Variants in CHCHD3 observed in about 807,000 individuals in gnomAD.
CHCHD3 encodes MICOS complex subunit MIC19.
CHCHD3 carries 20 observed loss-of-function variants against 38.2 expected under a neutral mutation model. The ratio of observed to expected loss-of-function variants is 0.52; its 90% CI spans 0.37 to 0.76. The LOEUF is 0.76. Ranked by LOEUF, CHCHD3 falls within the 30% of genes least tolerant of loss-of-function variation. The pLI is 0.00. For synonymous variants in CHCHD3, 82 were observed against 100.0 expected (o/e 0.82, Z 1.07); for missense variants, 245 against 279.2 (o/e 0.88, Z 0.87).
chr7:132,793,765 T>C (rs578042925), intron 7 of CHCHD3, among the ~76,000 whole-genome samples: 1 of 152,350 alleles, frequency 6.6e-6, no homozygotes, highest in South Asian at 2.1e-4. Context: ...TGGACAACAC[T>C]GCCTAATGGC....
At chr7:132,858,309 T>C (rs1307625634) in intron 5 of CHCHD3, among the ~76,000 whole-genome samples, 1 of 152,204 alleles carries the variant, frequency 6.6e-6, no homozygotes, top group East Asian at 1.9e-4. Context: ...GTGATCCACC[T>C]GCTTCAGCCT....
intron 6 of CHCHD3, among the ~76,000 whole-genome samples, chr7:132,815,273 T>C (rs186038025): frequency 2.0e-5 from 3 of 152,340 alleles, no homozygotes; most frequent in Admixed American, 2.0e-4. Context: ...GCCATCTGAC[T>C]GAAGTCTTAT....
intron 4 of CHCHD3, among the ~76,000 whole-genome samples, chr7:132,896,417 A>G (rs757791964): frequency 6.6e-6 from 1 of 152,184 alleles, no homozygotes; most frequent in Non-Finnish European, 1.5e-5. Context: ...AACAAGGCAT[A>G]TTGTGATTCC....
intron 4 of CHCHD3, among the ~76,000 whole-genome samples, chr7:132,929,834 G>C (rs1355635645): frequency 6.6e-6 from 1 of 152,130 alleles, no homozygotes; most frequent in East Asian, 1.9e-4. Flanking sequence ...TGAGAGCTGA[G>C]AGGCGTCTTT....
chr7:132,953,665 A>G (rs1184397497), intron 4 of CHCHD3, among the ~76,000 whole-genome samples: 1 of 152,212 alleles, frequency 6.6e-6, no homozygotes. Flanking sequence ...AGGAAGTGTT[A>G]GTGAGCTCCT....
At chr7:132,864,611 T>C (rs1215075277) in intron 5 of CHCHD3, among the ~76,000 whole-genome samples, 1 of 152,072 alleles carries the variant, frequency 6.6e-6, no homozygotes, top group Non-Finnish European at 1.5e-5. Context: ...AAAAGGCAAA[T>C]GAAGTATGTC....
chr7:132,990,603 T>C (rs1584626621), intron 3 of CHCHD3, among the ~76,000 whole-genome samples: 1 of 152,224 alleles, frequency 6.6e-6, no homozygotes, highest in Middle Eastern at 3.4e-3. Flanking sequence ...AGCTATGAAA[T>C]AACATGAGAA....
At chr7:132,979,773 C>G (rs1416404867) in intron 3 of CHCHD3, among the ~76,000 whole-genome samples, 1 of 152,116 alleles carries the variant, frequency 6.6e-6, no homozygotes, top group African/African-American at 2.4e-5. Context: ...GACCAGTGCC[C>G]AAAGATGAGA....
intron 4 of CHCHD3, among the ~76,000 whole-genome samples, chr7:132,902,581 C>T (rs964756083): frequency 4.6e-5 from 7 of 152,114 alleles, no homozygotes; most frequent in African/African-American, 1.7e-4. Context: ...GAAAACCAAA[C>T]ACCACATGTT....
intron 4 of CHCHD3, among the ~76,000 whole-genome samples, chr7:132,974,820 G>A (rs1224633291): frequency 6.6e-6 from 1 of 151,740 alleles, no homozygotes; most frequent in African/African-American, 2.4e-5. Context: ...GTTGCAGTGA[G>A]CTGAGATCGC....
At chr7:132,969,258 C>T (rs1388887190) in intron 4 of CHCHD3, among the ~76,000 whole-genome samples, 2 of 151,826 alleles carry the variant, frequency 1.3e-5, no homozygotes, top group African/African-American at 4.8e-5. Context: ...CCCCACAAAC[C>T]TGACACTTAA....
intron 1 of CHCHD3, among the ~76,000 whole-genome samples, chr7:133,075,507 G>C (rs1326563619): frequency 6.6e-6 from 1 of 152,114 alleles, no homozygotes; most frequent in Non-Finnish European, 1.5e-5. Context: ...GTTTTGTTGT[G>C]TTATCATCTG....
chr7:132,914,513 C>T (rs192879525), intron 4 of CHCHD3, among the ~76,000 whole-genome samples: 90 of 152,176 alleles, frequency 5.9e-4, no homozygotes, highest in African/African-American at 2.1e-3. Flanking sequence ...TATATTTTTT[C>T]CACAGAATGA....
intron 4 of CHCHD3, among the ~76,000 whole-genome samples, chr7:132,960,630 A>G (rs1215234229): frequency 6.6e-6 from 1 of 152,204 alleles, no homozygotes; most frequent in Admixed American, 6.5e-5. Flanking sequence ...TTTAGAAAGG[A>G]GAAAAACAAC....
In CHCHD3 at chr7:133,035,467, G is replaced by A; in HGVS notation, c.170-10840C>T. ...GCCAATGTCACTCGTTCGCCCACCA[G>A]AAAAGTCCTCGTCTTCAAGTAAGCA... is the stretch of plus-strand genomic sequence containing the variant. On this transcript the variant is annotated intron_variant, in intron 2 of 7. Coordinates refer to ENST00000262570, the MANE Select transcript of CHCHD3 (RefSeq NM_017812.4). The surrounding 1 kb of genome is among the most constrained non-coding windows in gnomAD (Gnocchi z 4.7). The A allele has an allele frequency of 1.2e-6, 2 of 1,613,540 alleles. No individual in the cohort carries two copies. The highest frequency in any genetic ancestry group is 1.7e-6 in the Non-Finnish European group (2 of 1,179,500).
At chr7:132,899,897 A>G (rs1164842459) in intron 4 of CHCHD3, among the ~76,000 whole-genome samples, 1 of 152,216 alleles carries the variant, frequency 6.6e-6, no homozygotes, top group Non-Finnish European at 1.5e-5. Flanking sequence ...TTTGGAATCT[A>G]CTAAGCAGCT....
intron 3 of CHCHD3, among the ~76,000 whole-genome samples, chr7:133,004,854 C>G (rs1812660379): frequency 6.6e-6 from 1 of 152,076 alleles, no homozygotes; most frequent in African/African-American, 2.4e-5. Context: ...TGGGATGCTG[C>G]TGATTTAACA....
chr7:132,985,152 A>C (rs1447026399), intron 3 of CHCHD3, among the ~76,000 whole-genome samples: 2 of 64,296 alleles, frequency 3.1e-5, no homozygotes, highest in Middle Eastern at 0.016. Flanking sequence ...CCTACTGGGA[A>C]GTGAGGAGTC....
chr7:133,035,065 T>C lies in CHCHD3; in HGVS notation c.170-10438A>G. ...TTAAATTCATCCAACACAAAGGTAC[T>C]CTTGGGCAGGTGAGCGAAGGGGTCC... On this transcript the variant is annotated intron_variant, in intron 2 of 7. Coordinates refer to ENST00000262570, the MANE Select transcript of CHCHD3 (RefSeq NM_017812.4). The surrounding 1 kb of genome is among the most constrained non-coding windows in gnomAD (Gnocchi z 4.7). 6.2e-7 allele frequency: 1 copy of C among 1,613,768 alleles called. No homozygotes were observed. Among genetic ancestry groups the C allele is most frequent in the Non-Finnish European group, 8.5e-7 (1 of 1,179,764 alleles).
Sources: gnomAD v4.1 joint callset for allele counts (sites outside exome capture counted in the v4.1 genomes callset) on GRCh38, gnomAD v4.1.1 for gene constraint, Gnocchi (gnomAD v3.1) non-coding constraint, MANE v1.5 for transcripts, NCBI Gene and HGNC (gene_info 2026-07-23, HGNC 2026-07-21) for gene names.